The following SLC23A2 variants were observed in gnomAD, a reference collection of about 807,000 sequenced individuals.
SLC23A2 encodes solute carrier family 23 member 2.
In SLC23A2, 36 loss-of-function variants were observed where a neutral mutation model predicts 73.3. That is an observed-to-expected ratio of 0.49 (90% CI 0.38 to 0.65). The LOEUF (loss-of-function observed/expected upper bound fraction) is 0.65, where lower values mean the gene tolerates loss of function less well. SLC23A2 is among the 30% of genes least tolerant of loss of function. SLC23A2 has a pLI of 0.00. For missense variants in SLC23A2, 507 were observed against 841.6 expected, an observed-to-expected ratio of 0.60 and a Z score of 4.92; for synonymous variants, 343 against 327.3, an observed-to-expected ratio of 1.05 and a Z score of -0.52.
chr20:4,891,052 A>G (rs1388614718), intron 6 of SLC23A2, among the ~76,000 whole-genome samples: 1 of 152,224 alleles, frequency 6.6e-6, no homozygotes, highest in East Asian at 1.9e-4. Context: ...TTAAAACAGG[A>G]AAAGAGCTTC....
chr20:5,001,520 G>T (rs963553626), upstream of SLC23A2: 5 of 150,670 alleles, frequency 3.3e-5, no homozygotes, highest in African/African-American at 1.2e-4. Context: ...CGCCGCGGAG[G>T]GGCGGGCCGG....
chr20:4,994,933 T>A (rs60744727), intron 1 of SLC23A2, among the ~76,000 whole-genome samples: 1 of 150,150 alleles, frequency 6.7e-6, no homozygotes, highest in African/African-American at 2.5e-5. Context: ...AAACTCTGTC[T>A]CAAAAAAAAA....
intron 6 of SLC23A2, among the ~76,000 whole-genome samples, chr20:4,893,635 G>C (rs1041888221): frequency 1.3e-5 from 2 of 152,170 alleles, no homozygotes; most frequent in African/African-American, 2.4e-5. Context: ...AGAAGACAGA[G>C]GAACTCTCTC....
chr20:4,867,483 T>A (rs1930249806), intron 13 of SLC23A2, among the ~76,000 whole-genome samples: 1 of 152,212 alleles, frequency 6.6e-6, no homozygotes, highest in East Asian at 1.9e-4. Context: ...TTCACTGATG[T>A]ATCCCAAGTG....
chr20:4,996,354 G>A (rs756907213), intron 1 of SLC23A2, among the ~76,000 whole-genome samples: 19 of 152,090 alleles, frequency 1.2e-4, no homozygotes, highest in Non-Finnish European at 2.4e-4. Context: ...AAGGAAGCCC[G>A]AGCCATCAGC....
chr20:5,003,545 C>T (rs80061952), upstream of SLC23A2, among the ~76,000 whole-genome samples: 2,445 of 150,134 alleles, frequency 0.016, 75 homozygotes, highest in South Asian at 0.15. Context: ...GATGTGTTTG[C>T]TTAGCAAGGA....
In SLC23A2 at chr20:4,857,337, T is replaced by G. The variant is rs79407954; in HGVS notation, c.1721-133A>C. 3.3e-5 allele frequency: 15 copies of G among 455,806 alleles called. No homozygotes were observed. Among genetic ancestry groups the G allele is most frequent in the East Asian group, 1.5e-4 (4 of 27,478 alleles). 28.2% of individuals were successfully genotyped at this position (455,806 alleles called of 1,614,324 possible). ...ACACACACACACACACACACACACA[T>G]GGTCCCACAGATCAAACCTGCCTAG... is the stretch of plus-strand genomic sequence containing the variant. On this transcript the variant is annotated intron_variant, in intron 16 of 16. Transcript: ENST00000338244. The surrounding 1 kb of genome is among the most constrained non-coding windows in gnomAD (Gnocchi z 4.0).
chr20:4,917,761 A>AC (rs898490573), intron 3 of SLC23A2, among the ~76,000 whole-genome samples: 1 of 151,900 alleles, frequency 6.6e-6, no homozygotes, highest in African/African-American at 2.4e-5. Flanking sequence ...TCTCCATGCT[A>AC]CCCCCATCCT....
At chr20:4,861,872 A>G (rs1929978457) in intron 15 of SLC23A2, 76 bp downstream of exon 15, 2 of 1,508,440 alleles carry the variant, frequency 1.3e-6, no homozygotes, top group Admixed American at 3.7e-5. Context: ...GTCCTCTCCA[A>G]TGGGCAAAGA....
At chr20:5,000,524 C>T (rs901844271) in intron 1 of SLC23A2, among the ~76,000 whole-genome samples, 1 of 152,160 alleles carries the variant, frequency 6.6e-6, no homozygotes, top group African/African-American at 2.4e-5. Context: ...TCTCCCAGCA[C>T]TGCAAGAATA....
At chr20:4,889,533 T>C (rs572423321) in intron 6 of SLC23A2, among the ~76,000 whole-genome samples, 1 of 151,862 alleles carries the variant, frequency 6.6e-6, no homozygotes, top group South Asian at 2.1e-4. Context: ...GACATCCCAA[T>C]AGGCTGTGGC....
chr20:4,912,667 CAAA>C (rs36084071), intron 4 of SLC23A2, among the ~76,000 whole-genome samples: 1 of 73,988 alleles, frequency 1.4e-5, no homozygotes, highest in Non-Finnish European at 3.2e-5. Flanking sequence ...TTAAAACAAT[CAAA>C]AAAAAAAAAA....
At chr20:4,990,731 C>A (rs1351372934) in intron 1 of SLC23A2, among the ~76,000 whole-genome samples, 1 of 151,172 alleles carries the variant, frequency 6.6e-6, no homozygotes, top group Non-Finnish European at 1.5e-5. Context: ...CCTGTAATTC[C>A]CAGCACTGTT....
Position 4,874,035 on chromosome 20 carries a change from C to T in SLC23A2, c.1003G>A (p.Val335Ile), listed in dbSNP as rs902441747. The stretch of plus-strand genomic sequence containing the variant: ...TACTTTGTGCTGTCGGGAGGGAAGA[C>T]ATCTGTCACCGTGAAGATGAAGCAG... ...LLCFIFTVTD[V>I]FPPDSTKYGF... Residue 335 changes from valine (V) to isoleucine (I), a missense_variant, in exon 11 of 17, where the codon GTC (valine) becomes ATC (isoleucine). Transcript: ENST00000338244. The T allele has an allele frequency of 1.9e-6, 3 of 1,614,034 alleles. No homozygotes were observed. The highest frequency in any genetic ancestry group is 1.3e-5 in the African/African-American group (1 of 74,918).
intron 3 of SLC23A2, among the ~76,000 whole-genome samples, chr20:4,914,485 T>C (rs1001816463): frequency 7.2e-5 from 11 of 152,098 alleles, no homozygotes; most frequent in African/African-American, 2.7e-4. Context: ...CCTGTGTTCT[T>C]GGAGAGAACA....
At chr20:4,987,087 G>A (rs995639432) in intron 1 of SLC23A2, among the ~76,000 whole-genome samples, 12 of 152,046 alleles carry the variant, frequency 7.9e-5, no homozygotes, top group African/African-American at 2.9e-4. Flanking sequence ...GGTGGGCAGC[G>A]TGGACATGCA....
At chr20:4,865,234 G>A (rs1930143675) in intron 13 of SLC23A2, among the ~76,000 whole-genome samples, 1 of 152,180 alleles carries the variant, frequency 6.6e-6, no homozygotes, top group Non-Finnish European at 1.5e-5. Context: ...GCAGAATGCA[G>A]CAAGGAGAAA....
In SLC23A2 at chr20:4,902,151, A is replaced by C. The variant is rs1172845506; in HGVS notation, c.324+291T>G. Among the ~76,000 whole-genome samples, 11 of 152,124 alleles carry C rather than the reference A, an allele frequency of 7.2e-5. No homozygotes were observed. ...CTTGAGTAGCTGGGACTGTGGGCACACACCACCACACATGGCTAATTTTTG... is the reference window on the plus strand; with the variant it reads ...CTTGAGTAGCTGGGACTGTGGGCACCCACCACCACACATGGCTAATTTTTG... On this transcript the variant is annotated intron_variant, in intron 5 of 16. Coordinates refer to ENST00000338244, the MANE Select transcript of SLC23A2 (RefSeq NM_005116.6). This position sits in a 1 kb window ranked among gnomAD's most constrained non-coding sequence, Gnocchi z 4.0.
chr20:4,903,414 C>T (rs1016142267), intron 4 of SLC23A2, among the ~76,000 whole-genome samples: 1 of 152,194 alleles, frequency 6.6e-6, no homozygotes, highest in African/African-American at 2.4e-5. Flanking sequence ...AAACACCACA[C>T]AAATAATCTT....
Sources: allele counts gnomAD v4.1 joint callset (sites outside exome capture counted in the v4.1 genomes callset), GRCh38; gene constraint gnomAD v4.1.1; non-coding constraint Gnocchi (gnomAD v3.1); transcripts MANE v1.5; gene names NCBI Gene and HGNC (gene_info 2026-07-23, HGNC 2026-07-21).